RPS6KA6: variants seen among roughly 807,000 people sequenced by gnomAD.
RPS6KA6 encodes ribosomal protein S6 kinase A6.
Under a neutral mutation model 65.4 loss-of-function variants are expected in RPS6KA6, and 27 were observed. The observed-to-expected ratio is 0.41, with a 90% CI of 0.30 to 0.57. The LOEUF is 0.57. RPS6KA6 is among the 20% of genes least tolerant of loss of function. The pLI is 0.24. For missense variants in RPS6KA6, 486 were observed against 555.6 expected (o/e 0.87, Z 1.26); for synonymous variants, 190 against 184.2 (o/e 1.03, Z -0.26).
intron 1 of RPS6KA6, among the ~76,000 whole-genome samples, chrX:84,165,968 C>T (rs1048630282): frequency 8.9e-6 from 1 of 111,817 alleles, no homozygotes; most frequent in African/African-American, 3.2e-5. Flanking sequence ...GAGAGCAGAT[C>T]CCCTAATTCT....
chrX:84,162,957 C>G (rs781484424), intron 2 of RPS6KA6, among the ~76,000 whole-genome samples: 1 of 111,843 alleles, frequency 8.9e-6, no homozygotes, highest in Non-Finnish European at 1.9e-5. Flanking sequence ...TATTGTCAAT[C>G]AAAATTAAAA....
chrX:84,073,294 T>C (rs894855144), intron 20 of RPS6KA6, among the ~76,000 whole-genome samples: 4 of 111,825 alleles, frequency 3.6e-5, no homozygotes, highest in East Asian at 2.8e-4. Flanking sequence ...GTCTCTTCAA[T>C]AGATAGTGCC....
At chrX:84,177,429 G>A (rs2035789140) in intron 1 of RPS6KA6, among the ~76,000 whole-genome samples, 2 of 111,525 alleles carry the variant, frequency 1.8e-5, no homozygotes, top group Non-Finnish European at 3.8e-5. Flanking sequence ...AAACTACAGA[G>A]AAGTAACTTG....
At chrX:84,187,451 G>T in intron 1 of RPS6KA6, 1 of 159,168 alleles carries the variant, frequency 6.3e-6, no homozygotes. Flanking sequence ...AATGTTCCCA[G>T]CCAGCAAACT....
intron 12 of RPS6KA6, among the ~76,000 whole-genome samples, chrX:84,109,381 A>G (rs1413394513): frequency 9.0e-6 from 1 of 110,957 alleles, no homozygotes; most frequent in African/African-American, 3.3e-5. Flanking sequence ...CCCAGACCCC[A>G]AAGCATGTGA....
chrX:84,060,110 A>T lies in RPS6KA6; in HGVS notation c.*4167T>A, dbSNP rs1339952672. ...TAAAACCAGGAACAGTGCATCCATGAGTATAATGTATGTTGTGAATAATCA... is the reference window on the plus strand; with the variant it reads ...TAAAACCAGGAACAGTGCATCCATGTGTATAATGTATGTTGTGAATAATCA... On this transcript the variant is annotated 3_prime_UTR_variant, in exon 22 of 22. Transcript: ENST00000262752. 1 of 111,503 alleles carries T rather than the reference A, an allele frequency of 9.0e-6. No homozygotes were observed. Among genetic ancestry groups the T allele is most frequent in the Non-Finnish European group, 1.9e-5 (1 of 53,074 alleles). The allele number at this position is 111,503 out of a possible 1,213,427, so 9.2% of individuals were successfully genotyped here. A position where few individuals can be genotyped will look rare whatever the true frequency, so the allele number is the denominator to read the frequency against.
intron 20 of RPS6KA6, among the ~76,000 whole-genome samples, chrX:84,067,565 T>C (rs760687664): frequency 9.0e-6 from 1 of 111,444 alleles, no homozygotes; most frequent in South Asian, 3.7e-4. Flanking sequence ...ACATGAAGAT[T>C]AGAGAAAAAA....
intron 18 of RPS6KA6, among the ~76,000 whole-genome samples, chrX:84,098,619 C>T (rs1383423851): frequency 9.0e-6 from 1 of 110,936 alleles, no homozygotes; most frequent in East Asian, 2.8e-4. Context: ...GGCATAGGAA[C>T]AAAATAGAAA....
chrX:84,175,123 T>C (rs1230258430), intron 1 of RPS6KA6, among the ~76,000 whole-genome samples: 1 of 111,471 alleles, frequency 9.0e-6, no homozygotes, highest in Non-Finnish European at 1.9e-5. Context: ...ATTAAAAATA[T>C]ATTATTTGGG....
At chrX:84,106,315 T>C (rs774395992) in intron 15 of RPS6KA6, 50 bp downstream of exon 15, 1 of 1,127,957 alleles carries the variant, frequency 8.9e-7, no homozygotes, top group Non-Finnish European at 1.2e-6. Flanking sequence ...GACTCATAAT[T>C]TAAATTACAT....
At chrX:84,164,784 T>C (rs1210490264) in intron 1 of RPS6KA6, among the ~76,000 whole-genome samples, 1 of 111,922 alleles carries the variant, frequency 8.9e-6, no homozygotes, top group Non-Finnish European at 1.9e-5. Context: ...TTTTATATAA[T>C]TGCACTGTTG....
At chrX:84,163,405 C>T (rs189622227) in intron 2 of RPS6KA6, among the ~76,000 whole-genome samples, 2 of 108,100 alleles carry the variant, frequency 1.9e-5, no homozygotes, top group Admixed American at 9.8e-5. Flanking sequence ...TTTGGGAGGC[C>T]GAGGCGGGTG....
At chrX:84,175,903 T>C (rs749164272) in intron 1 of RPS6KA6, among the ~76,000 whole-genome samples, 2 of 111,040 alleles carry the variant, frequency 1.8e-5, no homozygotes, top group South Asian at 7.6e-4. Flanking sequence ...ACACTATACA[T>C]ATTTAATCAT....
intron 20 of RPS6KA6, among the ~76,000 whole-genome samples, chrX:84,069,483 C>A (rs1049872672): frequency 1.8e-5 from 2 of 111,831 alleles, no homozygotes; most frequent in Non-Finnish European, 3.8e-5. Flanking sequence ...CTGGATTATA[C>A]CATTAAGGAC....
intron 10 of RPS6KA6, 78 bp downstream of exon 10, chrX:84,117,306 T>C: frequency 1.4e-6 from 1 of 736,810 alleles, no homozygotes; most frequent in Non-Finnish European, 1.9e-6. Context: ...TTGTATTATT[T>C]TAAAACCGCA....
intron 4 of RPS6KA6, 116 bp from the exon 5 acceptor site, chrX:84,147,174 C>T (rs765078849): frequency 3.9e-5 from 17 of 430,584 alleles, no homozygotes; most frequent in Middle Eastern, 4.4e-4. Context: ...TCCTAAATGC[C>T]GAAATTTGCA....
At chrX:84,075,229 C>T (rs1487518901) in intron 20 of RPS6KA6, among the ~76,000 whole-genome samples, 3 of 108,311 alleles carry the variant, frequency 2.8e-5, no homozygotes, top group African/African-American at 1.0e-4. Flanking sequence ...GAGACTCCGT[C>T]GCAAAACAAA....
At chrX:84,155,901 G>A (rs1285660892) in intron 3 of RPS6KA6, among the ~76,000 whole-genome samples, 174 bp downstream of exon 3, 1 of 112,006 alleles carries the variant, frequency 8.9e-6, no homozygotes, top group East Asian at 2.8e-4. Flanking sequence ...GAAGTACAAA[G>A]AAATGGTAAT....
At chrX:84,143,419 T>C (rs564916875) in intron 6 of RPS6KA6, among the ~76,000 whole-genome samples, 1 of 111,055 alleles carries the variant, frequency 9.0e-6, no homozygotes, top group South Asian at 3.7e-4. Context: ...CAATTTAAAA[T>C]TGAAATTAGG....
Sources: allele counts gnomAD v4.1 joint callset (sites outside exome capture counted in the v4.1 genomes callset), GRCh38; gene constraint gnomAD v4.1.1; transcripts MANE v1.5; gene names NCBI Gene and HGNC (gene_info 2026-07-23, HGNC 2026-07-21).